TASP1: variants seen among roughly 807,000 people sequenced by gnomAD.
The protein encoded by TASP1 is taspase 1.
Under a neutral mutation model 56.6 loss-of-function variants are expected in TASP1, and 16 were observed. That is an observed-to-expected ratio of 0.28 (90% CI 0.19 to 0.43). The LOEUF (loss-of-function observed/expected upper bound fraction) is 0.43. TASP1 is among the 20% of genes least tolerant of loss of function. TASP1 has a pLI of 1.00. For synonymous variants in TASP1, 179 were observed against 184.2 expected, an observed-to-expected ratio of 0.97 and a Z score of 0.23; for missense variants, 393 against 511.6, an observed-to-expected ratio of 0.77 and a Z score of 2.24.
chr20:13,117,462 A>C, the TASP1 span: 2 of 1,514,838 alleles, frequency 1.3e-6, no homozygotes, highest in Non-Finnish European at 1.8e-6. Context: ...AGAGCTTCCC[A>C]GGAGGGTATT....
At chr20:13,380,631 G>A in the TASP1 span, among the ~76,000 whole-genome samples, 1 of 152,168 alleles carries the variant, frequency 6.6e-6, no homozygotes, top group Non-Finnish European at 1.5e-5. Context: ...GTTCTCTTCA[G>A]AGCTGGCAGG....
the TASP1 span, among the ~76,000 whole-genome samples, chr20:13,256,395 CAA>C: frequency 0.039 from 2,770 of 71,680 alleles, 22 homozygotes; most frequent in African/African-American, 0.067. Flanking sequence ...GACCCCGTCT[CAA>C]AAAAAAAAAA....
the TASP1 span, among the ~76,000 whole-genome samples, chr20:13,306,564 C>CAAAAAAAAAAAAAAAAAAAAAAAAAAGA: frequency 1.6e-5 from 1 of 63,914 alleles, no homozygotes; most frequent in African/African-American, 7.2e-5. Flanking sequence ...GGAGAAAGGA[C>CAAAAAAAAAAAAAAAAAAAAAAAAAAGA]AAAAAAAAAA....
intron 6 of TASP1, among the ~76,000 whole-genome samples, chr20:13,574,701 C>T (rs527348301): frequency 6.6e-6 from 1 of 151,928 alleles, no homozygotes; most frequent in Non-Finnish European, 1.5e-5. Context: ...AAAACACAAG[C>T]TGAATGGGAT....
At chr20:13,423,581 GAAATA>G (rs1244212161) in intron 12 of TASP1, among the ~76,000 whole-genome samples, 2 of 152,122 alleles carry the variant, frequency 1.3e-5, no homozygotes, top group African/African-American at 4.8e-5. Flanking sequence ...CCATTTTTGT[GAAATA>G]AAATAAAAGA....
chr20:13,458,168 T>A (rs1386105813), intron 11 of TASP1, among the ~76,000 whole-genome samples: 1 of 152,080 alleles, frequency 6.6e-6, no homozygotes, highest in African/African-American at 2.4e-5. Context: ...TTAGAAGTAA[T>A]GGTCAATCCG....
chr20:13,200,412 G>A, the TASP1 span, among the ~76,000 whole-genome samples: 2 of 152,092 alleles, frequency 1.3e-5, no homozygotes, highest in African/African-American at 4.8e-5. Flanking sequence ...CTGGAAGCTG[G>A]TCAACCCCAC....
the TASP1 span, among the ~76,000 whole-genome samples, chr20:13,169,618 A>G: frequency 2.0e-5 from 3 of 152,230 alleles, no homozygotes; most frequent in Admixed American, 6.5e-5. Flanking sequence ...TGAGCTGACA[A>G]CAATGCCTGG....
At chr20:13,444,628 G>A (rs911540895) in intron 11 of TASP1, among the ~76,000 whole-genome samples, 1 of 152,100 alleles carries the variant, frequency 6.6e-6, no homozygotes, top group Admixed American at 6.6e-5. Context: ...CTCTTAAGAT[G>A]CACTTAAGTC....
intron 1 of TASP1, among the ~76,000 whole-genome samples, chr20:13,632,810 A>G (rs973483721): frequency 7.2e-5 from 11 of 152,206 alleles, no homozygotes; most frequent in African/African-American, 2.7e-4. Context: ...TCTGACATCT[A>G]ATAAATAAAG....
rs1600177005 is a variant in TASP1 at position 13,617,263 on chromosome 20, A to C, written c.282+6183T>G. On this transcript the variant is annotated intron_variant, in intron 4 of 13. Coordinates refer to ENST00000337743, the MANE Select transcript of TASP1 (RefSeq NM_017714.3). Reference sequence around the variant, plus strand: ...GTCTTTGAAATAATCAATAATACCAAGTAAAGAAAAAAAACAGGAAAAAAG... The same window carrying C: ...GTCTTTGAAATAATCAATAATACCACGTAAAGAAAAAAAACAGGAAAAAAG... 6 of 216,406 alleles carry C rather than the reference A, an allele frequency of 2.8e-5. No homozygotes were observed. In the South Asian group the frequency reaches 3.1e-4, roughly 11 times the overall value. 13.4% of individuals were successfully genotyped at this position (216,406 alleles called of 1,614,324 possible).
chr20:13,592,937 T>C (rs67713479), intron 4 of TASP1, among the ~76,000 whole-genome samples: 14,236 of 152,058 alleles, frequency 0.094, 707 homozygotes, highest in Admixed American at 0.15. Flanking sequence ...TCCAGCAATA[T>C]ATAAAAAGAA....
At chr20:13,234,016 G>C in the TASP1 span, among the ~76,000 whole-genome samples, 1 of 152,112 alleles carries the variant, frequency 6.6e-6, no homozygotes. Context: ...AGGTTTCTTA[G>C]GTGCGTATAT....
intron 8 of TASP1, among the ~76,000 whole-genome samples, chr20:13,555,321 T>C (rs1224288253): frequency 7.1e-6 from 1 of 141,212 alleles, no homozygotes; most frequent in Non-Finnish European, 1.5e-5. Flanking sequence ...GAGGCGGAGG[T>C]TGCAGTGAGC....
chr20:13,555,648 T>C lies in TASP1; in HGVS notation c.675+3360A>G, dbSNP rs547195153. Among the ~76,000 whole-genome samples, 42 of 152,218 alleles carry C rather than the reference T, an allele frequency of 2.8e-4. No homozygotes were observed. In the South Asian group the frequency reaches 8.5e-3, roughly 31 times the overall value. On this transcript the variant is annotated intron_variant, in intron 8 of 13. Coordinates refer to ENST00000337743, the MANE Select transcript of TASP1 (RefSeq NM_017714.3). ...TGAAGTCCTGAATCCCTCAAAGTCA[T>C]CCATGAGGCTTGGAATCCATTTCTT... is the stretch of plus-strand genomic sequence containing the variant.
chr20:13,592,608 T>G (rs1415760668), intron 4 of TASP1, among the ~76,000 whole-genome samples: 1 of 152,190 alleles, frequency 6.6e-6, no homozygotes, highest in African/African-American at 2.4e-5. Context: ...TTTACATTCC[T>G]AATCAGTCTG....
chr20:13,567,118 C>G (rs780818590), intron 7 of TASP1, among the ~76,000 whole-genome samples: 1 of 152,132 alleles, frequency 6.6e-6, no homozygotes, highest in African/African-American at 2.4e-5. Context: ...AAGATCATGT[C>G]TTTAGCACGA....
At chr20:13,390,510 C>T (rs535972768) in intron 13 of TASP1, 58 bp from the exon 14 acceptor site, 3 of 1,510,262 alleles carry the variant, frequency 2.0e-6, no homozygotes, top group East Asian at 2.3e-5. Flanking sequence ...CCTTGCCACA[C>T]CCCTACCCGT....
At chr20:13,519,573 C>A (rs556095396) in intron 10 of TASP1, among the ~76,000 whole-genome samples, 6 of 152,016 alleles carry the variant, frequency 3.9e-5, no homozygotes, top group Non-Finnish European at 8.8e-5. Context: ...ATTCAACAAC[C>A]CTTCATGCTA....
Sources: gnomAD v4.1 joint callset for allele counts (sites outside exome capture counted in the v4.1 genomes callset) on GRCh38, gnomAD v4.1.1 for gene constraint, MANE v1.5 for transcripts, NCBI Gene and HGNC (gene_info 2026-07-23, HGNC 2026-07-21) for gene names.